The following PAXBP1 variants were observed in gnomAD, a reference collection of about 807,000 sequenced individuals.
PAXBP1 encodes the protein PAX3 and PAX7 binding protein 1, also known as PAX3- and PAX7-binding protein 1.
PAXBP1 carries 44 observed loss-of-function variants against 119.9 expected under a neutral mutation model. The ratio of observed to expected loss-of-function variants is 0.37; its 90% confidence interval spans 0.29 to 0.47. PAXBP1 has a LOEUF of 0.47. Among genes scored for constraint, PAXBP1 ranks in the 20% least tolerant of loss-of-function variants. The probability of loss-of-function intolerance (pLI) is 0.99; values close to 1 mark genes in which losing one functional copy is unlikely to be tolerated. For synonymous variants in PAXBP1, 393 were observed against 406.6 expected (o/e 0.97, Z 0.40); for missense variants, 898 against 1,134.1 (o/e 0.79, Z 2.99).
chr21:32,753,444 A>AC (rs1343940983), intron 8 of PAXBP1, among the ~76,000 whole-genome samples: 3 of 151,966 alleles, frequency 2.0e-5, no homozygotes, highest in Non-Finnish European at 2.9e-5. Flanking sequence ...AAAAAAAAAA[A>AC]AAACATTATA....
intron 2 of PAXBP1, among the ~76,000 whole-genome samples, chr21:32,767,651 G>C (rs1197998638): frequency 6.6e-6 from 1 of 152,146 alleles, no homozygotes; most frequent in Non-Finnish European, 1.5e-5. Context: ...AGATCTGATG[G>C]GTTTATCAGG....
chr21:32,735,290 A>G (rs559274926), intron 17 of PAXBP1, among the ~76,000 whole-genome samples: 68 of 152,296 alleles, frequency 4.5e-4, no homozygotes, highest in African/African-American at 1.6e-3. Flanking sequence ...TAGCCCAGAG[A>G]CAGGGGACCC....
chr21:32,749,606 T>C (rs1159679385), intron 10 of PAXBP1, among the ~76,000 whole-genome samples: 1 of 152,110 alleles, frequency 6.6e-6, no homozygotes, highest in Non-Finnish European at 1.5e-5. Flanking sequence ...ACATTGCTAA[T>C]AGTGGGGACA....
chr21:32,749,107 A>G (rs940477645), intron 10 of PAXBP1, among the ~76,000 whole-genome samples: 2 of 152,016 alleles, frequency 1.3e-5, no homozygotes, highest in African/African-American at 4.8e-5. Context: ...CTTCATTCAA[A>G]CTCTGTTGGT....
At chr21:32,753,225 G>A (rs2043985261) in intron 8 of PAXBP1, among the ~76,000 whole-genome samples, 1 of 151,986 alleles carries the variant, frequency 6.6e-6, no homozygotes, top group African/African-American at 2.4e-5. Flanking sequence ...TTGGGAGGCT[G>A]AGGCTGGTGG....
intron 11 of PAXBP1, among the ~76,000 whole-genome samples, chr21:32,747,944 C>G (rs536489929): frequency 1.3e-5 from 2 of 151,222 alleles, no homozygotes; most frequent in South Asian, 2.1e-4. Context: ...GCCACCACAG[C>G]TAATTTTTTT....
At chr21:32,767,389 T>C (rs879777274) in intron 2 of PAXBP1, among the ~76,000 whole-genome samples, 4 of 152,010 alleles carry the variant, frequency 2.6e-5, no homozygotes, top group Non-Finnish European at 4.4e-5. Flanking sequence ...GTGAGTGGAG[T>C]ATCAGAATTC....
In PAXBP1 at chr21:32,759,877, C is replaced by T; in HGVS notation, c.1093G>A (p.Ala365Thr). 6.2e-7 allele frequency: 1 copy of T among 1,613,814 alleles called. No individual in the cohort carries two copies. The highest frequency in any genetic ancestry group is 8.5e-7 in the Non-Finnish European group (1 of 1,179,712). Residue 365 changes from alanine (A) to threonine (T), a missense_variant, in exon 6 of 18, where the codon GCC becomes ACC. Ala to Thr is a moderately conservative substitution (Grantham distance 58). This residue lies in a region of PAXBP1 where 599 missense variants were observed against 852.7 expected (regional missense o/e 0.70). Coordinates refer to ENST00000331923, the MANE Select transcript of PAXBP1 (RefSeq NM_016631.4). ...YSYTAYGSSD[A>T]KSQKTDNTVP... is the part of the protein sequence containing the mutation. ...GTATTATCTGTTTTTTGAGATTTGG[C>T]ATCTGATGATCCATAGGCCGTATAA...
At chr21:32,752,086 T>C (rs2043965863) in intron 8 of PAXBP1, 2 of 152,252 alleles carry the variant, frequency 1.3e-5, no homozygotes, top group East Asian at 3.8e-4. Flanking sequence ...CACTGTCTGT[T>C]TCCTCAGTCC....
In PAXBP1 at chr21:32,755,372, C is replaced by CTCCGT. The variant is rs2044027404; in HGVS notation, c.1384-24_1384-20dup. The CTCCGT allele has an allele frequency of 6.2e-7, 1 of 1,604,858 alleles. No individual in the cohort carries two copies. Among genetic ancestry groups the CTCCGT allele is most frequent in the African/African-American group, 1.3e-5 (1 of 74,378 alleles). On this transcript the variant is annotated intron_variant, in intron 7 of 17. Coordinates refer to ENST00000331923, the MANE Select transcript of PAXBP1 (RefSeq NM_016631.4). ...GTGGCACCTGTAAAAATACAACACACTCCGTAACACCAAACTCCTCAGCTG... is the reference window on the plus strand; with the variant it reads ...GTGGCACCTGTAAAAATACAACACACTCCGTTCCGTAACACCAAACTCCTCAGCTG...
chr21:32,750,893 C>T, intron 10 of PAXBP1, 24 bp downstream of exon 10: 3 of 1,556,490 alleles, frequency 1.9e-6, no homozygotes, highest in Non-Finnish European at 2.6e-6. Context: ...GATGATGAGT[C>T]TTATTTCCAA....
chr21:32,771,030 G>C (rs975836858), intron 1 of PAXBP1, among the ~76,000 whole-genome samples: 2 of 152,236 alleles, frequency 1.3e-5, no homozygotes, highest in African/African-American at 4.8e-5. Flanking sequence ...AAACACGCCA[G>C]GCAGAAAAGA....
intron 4 of PAXBP1, among the ~76,000 whole-genome samples, chr21:32,761,453 A>G (rs2044144657): frequency 6.6e-6 from 1 of 152,242 alleles, no homozygotes; most frequent in Non-Finnish European, 1.5e-5. Flanking sequence ...TCCTAGGAAT[A>G]TAGAACTATA....
chr21:32,752,473 A>G (rs1370993074), intron 8 of PAXBP1, among the ~76,000 whole-genome samples: 1 of 152,232 alleles, frequency 6.6e-6, no homozygotes, highest in Non-Finnish European at 1.5e-5. Flanking sequence ...AGGTGAGCAC[A>G]TGCAAGATGA....
intron 3 of PAXBP1, among the ~76,000 whole-genome samples, chr21:32,763,027 T>G (rs1457450647): frequency 6.6e-6 from 1 of 152,170 alleles, no homozygotes; most frequent in Non-Finnish European, 1.5e-5. Context: ...ACATTTCTCT[T>G]GCAGATAGTT....
At chr21:32,751,264 C>T in intron 8 of PAXBP1, 46 bp from the exon 9 acceptor site, 11 of 1,567,580 alleles carry the variant, frequency 7.0e-6, no homozygotes, top group Non-Finnish European at 8.8e-6. Flanking sequence ...TTTCAACAAT[C>T]TTGAGGAAAG....
chr21:32,744,032 A>G (rs764699200), intron 13 of PAXBP1, among the ~76,000 whole-genome samples: 12 of 152,334 alleles, frequency 7.9e-5, no homozygotes, highest in Non-Finnish European at 1.6e-4. Flanking sequence ...GTGAAAATTC[A>G]ACAATGACAA....
chr21:32,766,479 C>A (rs1309149494), intron 2 of PAXBP1, among the ~76,000 whole-genome samples: 1 of 152,144 alleles, frequency 6.6e-6, no homozygotes, highest in Non-Finnish European at 1.5e-5. Context: ...TAAACCTGGT[C>A]AGGCTCTCCC....
chr21:32,764,384 A>C lies in PAXBP1; in HGVS notation c.613T>G (p.Ser205Ala). The C allele has an allele frequency of 1.2e-6, 2 of 1,613,854 alleles. No homozygotes were observed. Among genetic ancestry groups the C allele is most frequent in the Non-Finnish European group, 1.7e-6 (2 of 1,179,866 alleles). The change falls in exon 3 of 18, where the codon TCA becomes GCA. Residue 205 changes from serine to alanine, a missense_variant. Physicochemically the swap from Ser to Ala is moderately conservative, Grantham distance 99 (BLOSUM62 1). Coordinates refer to ENST00000331923, the MANE Select transcript of PAXBP1 (RefSeq NM_016631.4). Reference protein sequence around the residue: ...EEKPKTGGAFSNALSSLNVLR... With the variant: ...EEKPKTGGAFANALSSLNVLR... The stretch of plus-strand genomic sequence containing the variant: ...ACATTCAATGAAGATAAAGCATTTG[A>C]AAAAGCTCCACCAGTCTTTGGCTTT...
Sources: allele counts gnomAD v4.1 joint callset (sites outside exome capture counted in the v4.1 genomes callset), GRCh38; gene constraint gnomAD v4.1.1; regional missense constraint gnomAD v4.1.1; transcripts MANE v1.5; gene names NCBI Gene and HGNC (gene_info 2026-07-23, HGNC 2026-07-21).